The following ZBTB4 variants were observed in gnomAD, a reference collection of about 807,000 sequenced individuals.
ZBTB4 encodes zinc finger and BTB domain containing 4, also known as zinc finger and BTB domain-containing protein 4.
ZBTB4 carries 14 observed loss-of-function variants against 59.8 expected under a neutral mutation model. The observed-to-expected ratio is 0.23, with a 90% CI of 0.15 to 0.37. The LOEUF (loss-of-function observed/expected upper bound fraction) is 0.37, where lower values mean the gene tolerates loss of function less well. ZBTB4 is among the 10% of genes least tolerant of loss of function. ZBTB4 has a pLI of 1.00. For synonymous variants in ZBTB4, 587 were observed against 575.2 expected, an observed-to-expected ratio of 1.02 and a Z score of -0.29; for missense variants, 1,198 against 1,380.8, an observed-to-expected ratio of 0.87 and a Z score of 2.10.
chr17:7,466,267 C>A lies in ZBTB4; in HGVS notation c.535G>T (p.Gly179Trp). 1 of 1,613,322 alleles carries A rather than the reference C, an allele frequency of 6.2e-7. No homozygotes were observed. The highest frequency in any genetic ancestry group is 1.1e-5 in the South Asian group (1 of 91,052). The change falls in exon 3 of 4, where the codon GGG becomes TGG. Residue 179 changes from glycine (G) to tryptophan (W), a missense_variant. This residue lies in a region of ZBTB4 where 204 missense variants were observed against 205.5 expected (regional missense o/e 0.99). Coordinates refer to ENST00000380599, the MANE Select transcript of ZBTB4 (RefSeq NM_001128833.2). This position sits in a 1 kb window ranked among gnomAD's most constrained non-coding sequence, Gnocchi z 9.1. Reference sequence around the variant, plus strand: ...GGTACCCAGGCATCACCTCCCTCCCCCAGGCCCTGAAGGCGGGAGATGCCC... The same window carrying A: ...GGTACCCAGGCATCACCTCCCTCCCACAGGCCCTGAAGGCGGGAGATGCCC... The part of the protein sequence containing the change: ...RLGISRLQGL[G>W]EGGDAWVPPT...
upstream of ZBTB4, chr17:7,481,387 T>A (rs550276959): frequency 5.9e-5 from 75 of 1,272,678 alleles, no homozygotes; most frequent in South Asian, 1.9e-3. Flanking sequence ...AGCGGGAAAA[T>A]AGGCGTGCTA....
Position 7,466,498 on chromosome 17 carries a change from AAGC to A in ZBTB4, c.301_303del (p.Ala101del). 6.2e-7 allele frequency: 1 copy of A among 1,608,196 alleles called. No homozygotes were observed. The highest frequency in any genetic ancestry group is 1.3e-5 in the African/African-American group (1 of 74,768). ...GAAGAGGAAGAGGAAGAAGAAGAAG[AAGC>A]AGAGGAGGAAGAAGAGGAAGAAGAC... On this transcript the variant is annotated inframe_deletion, in exon 3 of 4. Transcript: ENST00000380599. The surrounding 1 kb of genome is among the most constrained non-coding windows in gnomAD (Gnocchi z 9.1).
At position 7,459,816 on chromosome 17, in the gene ZBTB4, T is replaced by A. The variant is rs549650609; in HGVS notation, c.*2124A>T. Reference sequence around the variant, plus strand: ...CAATCTCAATTCTCCCAAAAAAAAATGTCCATGGTTTTGGAATTTTGACCT... The same window carrying A: ...CAATCTCAATTCTCCCAAAAAAAAAAGTCCATGGTTTTGGAATTTTGACCT... On this transcript the variant is annotated 3_prime_UTR_variant, in exon 4 of 4. Transcript: ENST00000380599. 2.0e-5 allele frequency: 3 copies of A among 152,316 alleles called. No homozygotes were observed. Among genetic ancestry groups the A allele is most frequent in the South Asian group, 4.2e-4 (2 of 4,814 alleles). 9.4% of individuals were successfully genotyped at this position (152,316 alleles called of 1,614,324 possible). A position where few individuals can be genotyped will look rare whatever the true frequency, so the allele number is the denominator to read the frequency against.
upstream of ZBTB4, chr17:7,483,107 G>T (rs555872126): frequency 6.5e-6 from 10 of 1,543,754 alleles, no homozygotes; most frequent in Non-Finnish European, 7.9e-6. Flanking sequence ...TGGTGTGGGA[G>T]AGGGATACCT....
intron 1 of ZBTB4, among the ~76,000 whole-genome samples, chr17:7,475,224 C>CCAGCTA (rs1198110845): frequency 6.6e-6 from 1 of 151,562 alleles, no homozygotes. Flanking sequence ...GCCTGTAACC[C>CCAGCTA]CAGCTACCCG....
At chr17:7,476,337 T>C (rs987070081) in intron 1 of ZBTB4, among the ~76,000 whole-genome samples, 6 of 152,176 alleles carry the variant, frequency 3.9e-5, no homozygotes, top group Non-Finnish European at 2.9e-5. Flanking sequence ...CCTTGTGTTA[T>C]CCTCTTCAAA....
intron 3 of ZBTB4, among the ~76,000 whole-genome samples, chr17:7,464,930 G>A (rs1022555974): frequency 6.6e-6 from 1 of 151,482 alleles, no homozygotes; most frequent in African/African-American, 2.4e-5. Flanking sequence ...GCCAAGGCGG[G>A]TGGATCACAA....
Position 7,466,787 on chromosome 17 carries a change from T to C in ZBTB4, c.15A>G (p.Ala5=). 6.4e-7 allele frequency: 1 copy of C among 1,566,770 alleles called. No homozygotes were observed. Among genetic ancestry groups the C allele is most frequent in the Non-Finnish European group, 8.6e-7 (1 of 1,157,924 alleles). MPPP[A]EVTDPSHAPA... is the part of the protein sequence containing the mutation. ...GGGCATGGGACGGGTCCGTCACCTC[T>C]GCAGGGGGGGGCATGGTGCCAGCCT... Residue 5 remains alanine (A), a synonymous_variant, in exon 3 of 4, where the codon GCA becomes GCG. Transcript: ENST00000380599. This position sits in a 1 kb window ranked among gnomAD's most constrained non-coding sequence, Gnocchi z 9.1.
At chr17:7,481,438 C>G, upstream of ZBTB4, 1 of 1,391,810 alleles carries the variant, frequency 7.2e-7, no homozygotes, top group Non-Finnish European at 9.3e-7. Context: ...CACCCCCACT[C>G]CAACCATGTC....
chr17:7,465,841 G>A lies in ZBTB4; in HGVS notation c.961C>T (p.Leu321=), dbSNP rs1839980559. Reference sequence around the variant, plus strand: ...TTGCTGTGTCTCTTCAGACTGGACAGGGTCACGTAGGAACGCTCGCAGGCC... The same window carrying A: ...TTGCTGTGTCTCTTCAGACTGGACAAGGTCACGTAGGAACGCTCGCAGGCC... ...CAACERSYVT[L]SSLKRHSNVH... Residue 321 remains leucine, a synonymous_variant, in exon 3 of 4, where the codon CTG becomes TTG. Transcript: ENST00000380599. 1.2e-6 allele frequency: 2 copies of A among 1,614,230 alleles called. No homozygotes were observed. Among genetic ancestry groups the A allele is most frequent in the Middle Eastern group, 1.6e-4 (1 of 6,062 alleles).
chr17:7,478,416 A>C (rs758329099), intron 1 of ZBTB4, among the ~76,000 whole-genome samples: 5 of 151,974 alleles, frequency 3.3e-5, no homozygotes, highest in Non-Finnish European at 5.9e-5. Context: ...GCCCCCATGC[A>C]ACGCGCTCAT....
chr17:7,475,727 T>C lies in ZBTB4; in HGVS notation c.-81+3729A>G, dbSNP rs185649021. Among the ~76,000 whole-genome samples, 393 of 152,288 alleles carry C rather than the reference T, an allele frequency of 2.6e-3. 4 individuals carry two copies. Among genetic ancestry groups the C allele is most frequent in the Non-Finnish European group, 4.1e-3 (282 of 68,022 alleles). ...TTCTGGGATTACAGGCATGGGCCAC[T>C]GCGCCCGGCCATATTATTCTAATTT... On this transcript the variant is annotated intron_variant, in intron 1 of 3. Transcript: ENST00000380599.
At chr17:7,480,698 C>T (rs935438420), upstream of ZBTB4, among the ~76,000 whole-genome samples, 10 of 151,620 alleles carry the variant, frequency 6.6e-5, no homozygotes, top group East Asian at 1.9e-4. Context: ...CCAGCCTGGG[C>T]GACAGAGACA....
intron 1 of ZBTB4, among the ~76,000 whole-genome samples, chr17:7,473,283 T>G (rs1321023083): frequency 4.6e-5 from 7 of 151,584 alleles, no homozygotes; most frequent in African/African-American, 1.7e-4. Flanking sequence ...CGGCTAATTT[T>G]TTTTTGTATT....
intron 1 of ZBTB4, among the ~76,000 whole-genome samples, chr17:7,473,459 C>A (rs773118426): frequency 2.1e-4 from 32 of 151,678 alleles, no homozygotes; most frequent in Admixed American, 1.4e-3. Flanking sequence ...GGGGTTTCAC[C>A]ATGTCGGCCT....
chr17:7,468,636 C>G (rs763138152), intron 1 of ZBTB4, among the ~76,000 whole-genome samples: 2 of 152,140 alleles, frequency 1.3e-5, no homozygotes, highest in Non-Finnish European at 2.9e-5. Context: ...CTCCTCTGCC[C>G]TCCACAAAGC....
At chr17:7,480,145 G>A (rs1230919641), upstream of ZBTB4, among the ~76,000 whole-genome samples, 1 of 152,102 alleles carries the variant, frequency 6.6e-6, no homozygotes, top group East Asian at 1.9e-4. Context: ...CCCTGCATAC[G>A]GGGCACACAC....
rs746832347 is a variant in ZBTB4 at position 7,465,860 on chromosome 17, G to A, written c.942C>T (p.Cys314=). 1.4e-5 allele frequency: 23 copies of A among 1,614,152 alleles called. No homozygotes were observed. Among genetic ancestry groups the A allele is most frequent in the Admixed American group, 5.0e-5 (3 of 60,028 alleles). ...GGHVLYVCAA[C]ERSYVTLSSL... ...TGGACAGGGTCACGTAGGAACGCTC[G>A]CAGGCCGCGCACACATACAGCACGT... Residue 314 remains cysteine (C), a synonymous_variant, in exon 3 of 4, where the codon TGC becomes TGT. Transcript: ENST00000380599.
intron 1 of ZBTB4, among the ~76,000 whole-genome samples, chr17:7,471,651 A>C (rs975940915): frequency 3.5e-4 from 53 of 152,222 alleles, no homozygotes; most frequent in African/African-American, 1.2e-3. Context: ...CCTTATAGGA[A>C]GTGGAAAAGA....
Sources: gnomAD v4.1 joint callset for allele counts (sites outside exome capture counted in the v4.1 genomes callset) on GRCh38, gnomAD v4.1.1 for gene constraint, gnomAD v4.1.1 regional missense constraint, Gnocchi (gnomAD v3.1) non-coding constraint, MANE v1.5 for transcripts, NCBI Gene and HGNC (gene_info 2026-07-23, HGNC 2026-07-21) for gene names.